Variants in RBFOX2 observed in about 807,000 individuals in gnomAD.
The protein encoded by RBFOX2 is RNA binding fox-1 homolog 2.
Under a neutral mutation model 49.1 loss-of-function variants are expected in RBFOX2, and 10 were observed. That is an observed-to-expected ratio of 0.20 (90% CI 0.13 to 0.35). The LOEUF (loss-of-function observed/expected upper bound fraction) is 0.35. Ranked by LOEUF, RBFOX2 falls within the 10% of genes least tolerant of loss-of-function variation. The pLI is 1.00. For missense variants in RBFOX2, 323 were observed against 486.9 expected (o/e 0.66, Z 3.17); for synonymous variants, 183 against 187.4 (o/e 0.98, Z 0.19).
intron 2 of RBFOX2, among the ~76,000 whole-genome samples, chr22:35,795,298 T>G (rs193022348): frequency 6.6e-6 from 1 of 152,090 alleles, no homozygotes; most frequent in Non-Finnish European, 1.5e-5. Context: ...AATGAATAAA[T>G]TCCTCCGTAG....
chr22:35,892,144 T>C (rs1462219081), intron 1 of RBFOX2, among the ~76,000 whole-genome samples: 1 of 152,224 alleles, frequency 6.6e-6, no homozygotes, highest in Non-Finnish European at 1.5e-5. Context: ...TTCACTATGT[T>C]AAGTATATTC....
chr22:35,927,309 T>C (rs753923475), intron 1 of RBFOX2, among the ~76,000 whole-genome samples: 1 of 152,046 alleles, frequency 6.6e-6, no homozygotes, highest in Non-Finnish European at 1.5e-5. Flanking sequence ...GAGACATATA[T>C]AAAGCAGAAG....
chr22:36,016,573 G>C (rs2059043958), intron 1 of RBFOX2, among the ~76,000 whole-genome samples: 1 of 152,106 alleles, frequency 6.6e-6, no homozygotes, highest in Non-Finnish European at 1.5e-5. Context: ...CAACAACGGA[G>C]AAACCAAGGA....
At position 36,027,706 on chromosome 22, in the gene RBFOX2, C is replaced by G. The variant is rs142721912; in HGVS notation, c.186+534G>C. On this transcript the variant is annotated intron_variant, in intron 1 of 13. Coordinates refer to the RBFOX2 transcript ENST00000438146. ...TACCAAACTCCTTGTACTTCTCACA[C>G]TCTGTGTGATTTAACCCACAATCTC... Among the ~76,000 whole-genome samples the G allele has an allele frequency of 3.8e-3, 581 of 152,294 alleles. 1 individual carries two copies. Among genetic ancestry groups the G allele is most frequent in the Non-Finnish European group, 6.2e-3 (420 of 68,022 alleles).
intron 1 of RBFOX2, among the ~76,000 whole-genome samples, chr22:35,927,900 A>G (rs1334919220): frequency 6.6e-6 from 1 of 152,224 alleles, no homozygotes; most frequent in Non-Finnish European, 1.5e-5. Flanking sequence ...ATCTACAGAT[A>G]ATTCATTTCA....
chr22:36,027,407 A>G (rs2059481176), intron 1 of RBFOX2, among the ~76,000 whole-genome samples: 1 of 152,204 alleles, frequency 6.6e-6, no homozygotes, highest in Non-Finnish European at 1.5e-5. Flanking sequence ...GTCTTCTTCA[A>G]AACTATGAAG....
intron 9 of RBFOX2, chr22:35,750,478 A>G: frequency 6.3e-7 from 1 of 1,595,186 alleles, no homozygotes; most frequent in Non-Finnish European, 8.6e-7. Flanking sequence ...TTTGAAATAA[A>G]ACAAAAAATG....
chr22:35,822,325 C>A (rs1954704259), intron 1 of RBFOX2, among the ~76,000 whole-genome samples: 2 of 152,214 alleles, frequency 1.3e-5, no homozygotes, highest in South Asian at 4.1e-4. Context: ...GTTTGCTCTT[C>A]ATTATACCTA....
chr22:35,886,410 A>G (rs1470663013), intron 1 of RBFOX2, among the ~76,000 whole-genome samples: 1 of 152,236 alleles, frequency 6.6e-6, no homozygotes, highest in Non-Finnish European at 1.5e-5. Flanking sequence ...CTGGATTACA[A>G]CTTTTAAAAG....
At chr22:35,836,084 G>A (rs1957600443) in intron 1 of RBFOX2, among the ~76,000 whole-genome samples, 1 of 152,108 alleles carries the variant, frequency 6.6e-6, no homozygotes, top group African/African-American at 2.4e-5. Flanking sequence ...GCAGCTCCGT[G>A]GATGAAGGGT....
At chr22:35,968,729 T>G (rs184444152) in intron 1 of RBFOX2, among the ~76,000 whole-genome samples, 1 of 152,210 alleles carries the variant, frequency 6.6e-6, no homozygotes, top group Non-Finnish European at 1.5e-5. Context: ...CCCATAGTGC[T>G]AGGCACCATG....
chr22:35,966,431 T>C (rs541801156), upstream of RBFOX2, among the ~76,000 whole-genome samples: 142 of 152,336 alleles, frequency 9.3e-4, no homozygotes, highest in Non-Finnish European at 1.6e-3. Flanking sequence ...TCCAAAGTTG[T>C]ACCAATTTAC....
chr22:35,936,135 C>A (rs1376888629), intron 1 of RBFOX2, among the ~76,000 whole-genome samples: 2 of 151,454 alleles, frequency 1.3e-5, no homozygotes, highest in Non-Finnish European at 2.9e-5. Context: ...TCACTTGCAC[C>A]CCAGGGGTCA....
chr22:35,763,599 C>T (rs2146428196), intron 6 of RBFOX2, among the ~76,000 whole-genome samples: 1 of 152,222 alleles, frequency 6.6e-6, no homozygotes, highest in Admixed American at 6.5e-5. Context: ...TGTATATTGA[C>T]ATGTTGTTAG....
intron 1 of RBFOX2, among the ~76,000 whole-genome samples, chr22:35,819,730 TG>T (rs1476077260): frequency 1.4e-4 from 21 of 152,318 alleles, no homozygotes; most frequent in African/African-American, 4.6e-4. Flanking sequence ...CCTGCCCTTA[TG>T]GAGTTTACAT....
chr22:35,903,829 T>C (rs1254820502), intron 1 of RBFOX2, among the ~76,000 whole-genome samples: 1 of 152,098 alleles, frequency 6.6e-6, no homozygotes, highest in Non-Finnish European at 1.5e-5. Context: ...CACACTAGTT[T>C]CCCCATTTCC....
At chr22:35,963,900 C>A (rs993815530), upstream of RBFOX2, among the ~76,000 whole-genome samples, 1 of 152,102 alleles carries the variant, frequency 6.6e-6, no homozygotes, top group African/African-American at 2.4e-5. Flanking sequence ...CAAGCGCCAC[C>A]GGGCCTGGGT....
upstream of RBFOX2, among the ~76,000 whole-genome samples, chr22:35,941,077 G>A (rs946264792): frequency 2.6e-5 from 4 of 152,098 alleles, no homozygotes; most frequent in Non-Finnish European, 5.9e-5. Flanking sequence ...GAGATTTATG[G>A]TCTGTGAATT....
intron 1 of RBFOX2, among the ~76,000 whole-genome samples, chr22:35,911,306 A>G (rs1018624280): frequency 6.6e-6 from 1 of 152,240 alleles, no homozygotes; most frequent in Non-Finnish European, 1.5e-5. Flanking sequence ...AGGAACTTAA[A>G]AAATGAAAGA....
Sources: gnomAD v4.1 joint callset for allele counts (sites outside exome capture counted in the v4.1 genomes callset) on GRCh38, gnomAD v4.1.1 for gene constraint, MANE v1.5 for transcripts, NCBI Gene and HGNC (gene_info 2026-07-23, HGNC 2026-07-21) for gene names.